EYS: variants seen among roughly 807,000 people sequenced by gnomAD.
The protein encoded by EYS is protein eyes shut homolog.
EYS carries 250 observed loss-of-function variants against 282.1 expected under a neutral mutation model. The ratio of observed to expected loss-of-function variants is 0.89; its 90% confidence interval spans 0.80 to 0.98. The LOEUF is 0.98. Ranked by LOEUF, EYS falls within the 50% of genes least tolerant of loss-of-function variation. The pLI is 0.00. For synonymous variants in EYS, 1,355 were observed against 1,282.9 expected (o/e 1.06, Z -1.20); for missense variants, 4,016 against 3,709.0 (o/e 1.08, Z -2.15).
chr6:64,582,742 T>C (rs6914599), intron 26 of EYS, among the ~76,000 whole-genome samples: 167 of 152,278 alleles, frequency 1.1e-3, no homozygotes, highest in African/African-American at 3.7e-3. Context: ...GTATTCTCTA[T>C]AGAATGTCAA....
intron 31 of EYS, among the ~76,000 whole-genome samples, chr6:64,137,185 T>G (rs1774189636): frequency 6.6e-6 from 1 of 152,148 alleles, no homozygotes; most frequent in Non-Finnish European, 1.5e-5. Context: ...CTTCTGCAGC[T>G]TCCTCGCCTC....
intron 31 of EYS, among the ~76,000 whole-genome samples, chr6:64,161,427 T>A (rs1028163717): frequency 2.6e-5 from 4 of 152,104 alleles, no homozygotes; most frequent in Non-Finnish European, 5.9e-5. Flanking sequence ...CAAATTAAGA[T>A]CTCCCACAAC....
At chr6:64,532,544 C>T (rs1385513207) in intron 26 of EYS, among the ~76,000 whole-genome samples, 3 of 151,902 alleles carry the variant, frequency 2.0e-5, no homozygotes, top group Non-Finnish European at 4.4e-5. Flanking sequence ...CCCGTCTCTA[C>T]TAAAAATACA....
intron 12 of EYS, among the ~76,000 whole-genome samples, chr6:65,074,398 T>A (rs1398103647): frequency 6.6e-6 from 1 of 152,020 alleles, no homozygotes; most frequent in East Asian, 1.9e-4. Flanking sequence ...GGCATAATCT[T>A]GCCTGTTTCT....
At chr6:64,744,457 T>G (rs1033484483) in intron 22 of EYS, among the ~76,000 whole-genome samples, 14 of 152,174 alleles carry the variant, frequency 9.2e-5, no homozygotes, top group African/African-American at 3.4e-4. Context: ...AGACATTTTC[T>G]AAGACTCCTC....
chr6:65,189,782 C>T, intron 12 of EYS, among the ~76,000 whole-genome samples: 1 of 151,744 alleles, frequency 6.6e-6, no homozygotes, highest in East Asian at 1.9e-4. Context: ...CATTCCTGAA[C>T]AATCCTAATG....
At chr6:65,599,170 T>C (rs1765524409) in intron 2 of EYS, among the ~76,000 whole-genome samples, 2 of 152,034 alleles carry the variant, frequency 1.3e-5, no homozygotes, top group Non-Finnish European at 2.9e-5. Flanking sequence ...CTATCTGATT[T>C]TGGCAGATGA....
At chr6:65,013,877 C>T (rs1025327921) in intron 13 of EYS, among the ~76,000 whole-genome samples, 5 of 152,006 alleles carry the variant, frequency 3.3e-5, no homozygotes, top group Non-Finnish European at 7.4e-5. Flanking sequence ...GTAAATAAAT[C>T]AATGTGGGTA....
intron 26 of EYS, among the ~76,000 whole-genome samples, chr6:64,547,740 G>T (rs190273102): frequency 1.3e-3 from 191 of 152,356 alleles, no homozygotes; most frequent in African/African-American, 4.3e-3. Flanking sequence ...CTCAGCCCTT[G>T]GGTGGTCGAT....
At chr6:64,871,594 A>G (rs895620433) in intron 19 of EYS, among the ~76,000 whole-genome samples, 1 of 151,996 alleles carries the variant, frequency 6.6e-6, no homozygotes, top group Non-Finnish European at 1.5e-5. Context: ...TTCTGAGCTG[A>G]TAAATAAAGG....
intron 33 of EYS, among the ~76,000 whole-genome samples, chr6:64,036,465 A>G (rs1242674221): frequency 6.6e-6 from 1 of 152,244 alleles, no homozygotes; most frequent in African/African-American, 2.4e-5. Context: ...GGAATACTAT[A>G]GAAGAGTTAT....
At chr6:64,335,800 G>C (rs1035838592) in intron 29 of EYS, among the ~76,000 whole-genome samples, 1 of 152,092 alleles carries the variant, frequency 6.6e-6, no homozygotes, top group African/African-American at 2.4e-5. Context: ...CTACAACCTA[G>C]AGTAGATTGA....
At chr6:65,100,897 G>T (rs77246239) in intron 12 of EYS, among the ~76,000 whole-genome samples, 3 of 150,988 alleles carry the variant, frequency 2.0e-5, no homozygotes, top group East Asian at 3.9e-4. Context: ...TAGAAAGGTA[G>T]AATAAAAAGA....
At chr6:64,828,523 C>T (rs1416427180) in intron 19 of EYS, among the ~76,000 whole-genome samples, 2 of 151,922 alleles carry the variant, frequency 1.3e-5, no homozygotes, top group Admixed American at 6.6e-5. Context: ...GAATCATAGA[C>T]TGAGGCTCTG....
At chr6:64,971,973 A>G (rs925728795) in intron 14 of EYS, among the ~76,000 whole-genome samples, 1 of 152,190 alleles carries the variant, frequency 6.6e-6, no homozygotes, top group African/African-American at 2.4e-5. Flanking sequence ...CCAATCCAGG[A>G]AATCATGAAA....
chr6:63,846,933 T>C (rs1268580586), intron 36 of EYS, among the ~76,000 whole-genome samples: 8 of 152,170 alleles, frequency 5.3e-5, no homozygotes, highest in Non-Finnish European at 1.2e-4. Flanking sequence ...AATTCTAAAA[T>C]TTATTTTTTT....
chr6:63,950,270 G>A (rs1289282405), intron 35 of EYS, among the ~76,000 whole-genome samples: 1 of 151,504 alleles, frequency 6.6e-6, no homozygotes, highest in African/African-American at 2.4e-5. Context: ...TGTCCAGATG[G>A]CTTGAAGTAT....
intron 31 of EYS, among the ~76,000 whole-genome samples, chr6:64,212,696 G>A (rs1430581827): frequency 1.3e-5 from 2 of 151,988 alleles, no homozygotes; most frequent in Non-Finnish European, 2.9e-5. Flanking sequence ...GTGGAAGACA[G>A]TGTGACTATT....
chr6:65,420,786 A>G (rs1220075426), intron 5 of EYS, among the ~76,000 whole-genome samples: 2 of 151,928 alleles, frequency 1.3e-5, no homozygotes, highest in Admixed American at 6.6e-5. Flanking sequence ...GCAGTTATGA[A>G]AACAATATTT....
Sources: gnomAD v4.1 joint callset for allele counts (sites outside exome capture counted in the v4.1 genomes callset) on GRCh38, gnomAD v4.1.1 for gene constraint, MANE v1.5 for transcripts, NCBI Gene and HGNC (gene_info 2026-07-23, HGNC 2026-07-21) for gene names.